HMCN2: variants seen among roughly 807,000 people sequenced by gnomAD.
HMCN2 encodes hemicentin 2, also known as hemicentin-2.
Under a neutral mutation model 377.5 loss-of-function variants are expected in HMCN2, and 325 were observed. The observed-to-expected ratio is 0.86, with a 90% confidence interval of 0.79 to 0.94. HMCN2 has a LOEUF of 0.94. Among genes scored for constraint, HMCN2 ranks in the 40% least tolerant of loss-of-function variants. The pLI, the probability that HMCN2 is intolerant of heterozygous loss-of-function variation, is 0.00. For synonymous variants in HMCN2, 2,007 were observed against 2,046.8 expected, an observed-to-expected ratio of 0.98 and a Z score of 0.53; for missense variants, 4,543 against 4,725.3, an observed-to-expected ratio of 0.96 and a Z score of 1.13.
rs1299065480 is a variant in HMCN2, at chr9:130,424,856, G to A, written c.13462G>A (p.Gly4488Ser). ...CAGAGAGAGTGGGGAAGCCCTGAAT[G>A]GCCACTCTCTGACTGGGGGCAGGTT... is the stretch of plus-strand genomic sequence containing the variant. ...LARESGEALN[G>S]HSLTGGRFRQ... The change falls in exon 88 of 98, where the codon GGC (glycine) becomes AGC (serine). Residue 4488 changes from glycine to serine, a missense_variant. By Grantham distance (56) the Gly-to-Ser change is moderately conservative. Around this residue, in one of 5 missense-constraint regions of HMCN2, gnomAD observed 1,155 missense variants for 1,157.7 expected, o/e 1.00. Transcript: ENST00000683500. 6.7e-7 allele frequency: 1 copy of A among 1,482,780 alleles called. No homozygotes were observed. The highest frequency in any genetic ancestry group is 1.4e-5 in the African/African-American group (1 of 71,044). 91.9% of individuals were successfully genotyped at this position (1,482,780 alleles called of 1,614,324 possible). A position where few individuals can be genotyped will look rare whatever the true frequency, so the allele number is the denominator to read the frequency against.
chr9:130,376,061 G>A, intron 51 of HMCN2, 72 bp downstream of exon 51: 1 of 568,574 alleles, frequency 1.8e-6, no homozygotes, highest in Non-Finnish European at 2.2e-6. Flanking sequence ...CCAGGCACCT[G>A]AGCCACCCTT....
chr9:130,305,752 A>G (rs1302560688), intron 11 of HMCN2, among the ~76,000 whole-genome samples: 1 of 152,178 alleles, frequency 6.6e-6, no homozygotes, highest in African/African-American at 2.4e-5. Flanking sequence ...GCTTGGGGCC[A>G]ATAGTAGGGC....
At position 130,327,375 on chromosome 9, in the gene HMCN2, G is replaced by C. The variant is rs1413330164; in HGVS notation, c.3259G>C (p.Ala1087Pro). The change falls in exon 22 of 98, where the codon GCT (alanine) becomes CCT (proline). Residue 1087 changes from alanine to proline, a missense_variant. Physicochemically the swap from Ala to Pro is conservative, Grantham distance 27. Transcript: ENST00000683500. ...TGTGCCTCTGCAAGTCACAGCGAAGGCTGGCGAAGAGGTGACCCTGGACTG... is the reference window on the plus strand; with the variant it reads ...TGTGCCTCTGCAAGTCACAGCGAAGCCTGGCGAAGAGGTGACCCTGGACTG... ...ADVPLQVTAK[A>P]GEEVTLDCEA... 6.6e-6 allele frequency: 1 copy of C among 152,316 alleles called. No individual in the cohort carries two copies. The highest frequency in any genetic ancestry group is 1.5e-5 in the Non-Finnish European group (1 of 68,104). The allele number at this position is 152,316 out of a possible 1,614,324, so 9.4% of individuals were successfully genotyped here.
chr9:130,357,824 C>A lies in HMCN2; in HGVS notation c.5426-10C>A, dbSNP rs1033304460. 7.7e-7 allele frequency: 1 copy of A among 1,300,856 alleles called. No homozygotes were observed. Among genetic ancestry groups the A allele is most frequent in the Non-Finnish European group, 1.0e-6 (1 of 986,874 alleles). The allele number at this position is 1,300,856 out of a possible 1,614,324, so 80.6% of individuals were successfully genotyped here. A position where few individuals can be genotyped will look rare whatever the true frequency, so the allele number is the denominator to read the frequency against. On this transcript the variant is annotated splice_polypyrimidine_tract_variant and intron_variant, in intron 34 of 97. Coordinates refer to ENST00000683500, the MANE Select transcript of HMCN2 (RefSeq NM_001291815.2). ...TGACTCGGGCTCTTCCTGACTCTTT[C>A]CCTTCCCAGAGTTCCCATCGGTCAG...
intron 15 of HMCN2, among the ~76,000 whole-genome samples, chr9:130,313,201 C>T (rs1338875099): frequency 6.7e-6 from 1 of 148,612 alleles, no homozygotes; most frequent in East Asian, 1.9e-4. Flanking sequence ...TGGGTGGCAG[C>T]TGTCGTCCAG....
In HMCN2 at chr9:130,354,795, C is replaced by T; in HGVS notation, c.4897C>T (p.Pro1633Ser). Reference protein sequence around the residue: ...PPTIEGAGGRPYVVKAVAGRP... With the variant: ...PPTIEGAGGRSYVVKAVAGRP... Reference sequence around the variant, plus strand: ...TACCATCGAGGGCGCCGGTGGAAGACCATACGTGGTGAAGGCTGTGGCTGG... The same window carrying T: ...TACCATCGAGGGCGCCGGTGGAAGATCATACGTGGTGAAGGCTGTGGCTGG... The change falls in exon 32 of 98, where the codon CCA becomes TCA. Residue 1633 changes from proline (P) to serine (S), a missense_variant. Coordinates refer to ENST00000683500, the MANE Select transcript of HMCN2 (RefSeq NM_001291815.2). 7.7e-7 allele frequency: 1 copy of T among 1,304,026 alleles called. No individual in the cohort carries two copies. 80.8% of individuals were successfully genotyped at this position (1,304,026 alleles called of 1,614,324 possible). A position where few individuals can be genotyped will look rare whatever the true frequency, so the allele number is the denominator to read the frequency against.
intron 54 of HMCN2, among the ~76,000 whole-genome samples, chr9:130,380,647 C>T (rs866020644): frequency 8.6e-5 from 13 of 151,982 alleles, no homozygotes; most frequent in South Asian, 8.3e-4. Context: ...ACTAGCTGGG[C>T]GTGGTGGCAT....
rs546480500 is a variant in HMCN2 at position 130,388,612 on chromosome 9, C to T, written c.9523+72C>T. 75 of 968,408 alleles carry T rather than the reference C, an allele frequency of 7.7e-5. No homozygotes were observed. In the African/African-American group the frequency reaches 1.1e-3, roughly 14 times the overall value. The allele number at this position is 968,408 out of a possible 1,614,324, so 60.0% of individuals were successfully genotyped here. A position where few individuals can be genotyped will look rare whatever the true frequency, so the allele number is the denominator to read the frequency against. ...TTAATAAGATGACAGCAGAAGCGGACGAAGGAAGTTATTGGTTGTTGATGA... is the reference window on the plus strand; with the variant it reads ...TTAATAAGATGACAGCAGAAGCGGATGAAGGAAGTTATTGGTTGTTGATGA... On this transcript the variant is annotated intron_variant, in intron 62 of 97. Transcript: ENST00000683500.
intron 74 of HMCN2, among the ~76,000 whole-genome samples, chr9:130,398,153 C>CAAAAAAAAAA (rs397940740): frequency 1.8e-4 from 6 of 33,898 alleles, no homozygotes; most frequent in Admixed American, 4.0e-4. Flanking sequence ...ACTCCGTCTA[C>CAAAAAAAAAA]AAAAAAAAAA....
chr9:130,287,551 TAA>T (rs142931668), intron 4 of HMCN2, among the ~76,000 whole-genome samples: 46,985 of 92,046 alleles, frequency 0.51, 12,471 homozygotes, highest in East Asian at 0.76. Flanking sequence ...AACTCTGTCT[TAA>T]AAAAAAAAAA....
At chr9:130,356,794 C>T (rs1041294490) in intron 34 of HMCN2, among the ~76,000 whole-genome samples, 16 of 152,202 alleles carry the variant, frequency 1.1e-4, no homozygotes, top group Non-Finnish European at 7.3e-5. Flanking sequence ...TTTGAGAGGG[C>T]AACATGGTAG....
rs781800634 is a variant in HMCN2, at chr9:130,309,932, G to T, written c.2221G>T (p.Ala741Ser). 1 of 517,318 alleles carries T rather than the reference G, an allele frequency of 1.9e-6. No individual in the cohort carries two copies. The highest frequency in any genetic ancestry group is 2.1e-5 in the Admixed American group (1 of 48,576). 32.0% of individuals were successfully genotyped at this position (517,318 alleles called of 1,614,324 possible). Residue 741 changes from alanine (A) to serine (S), a missense_variant, in exon 15 of 98, where the codon GCC (alanine) becomes TCC (serine). Ala to Ser is a moderately conservative substitution (Grantham distance 99, BLOSUM62 1). Transcript: ENST00000683500. ...WYRGGLEMIL[A>S]PEGSSSGKLR... ...TCCAGGGGGTCTTGAAATGATCCTG[G>T]CCCCTGAGGGCTCCAGCTCTGGGAA... is the stretch of plus-strand genomic sequence containing the variant.
At chr9:130,346,281 G>C (rs927518766) in intron 25 of HMCN2, among the ~76,000 whole-genome samples, 2 of 152,140 alleles carry the variant, frequency 1.3e-5, no homozygotes, top group African/African-American at 4.8e-5. Flanking sequence ...GGACTGGGCT[G>C]TTAGCTTCAG....
chr9:130,301,067 A>G (rs1197175382), intron 8 of HMCN2, among the ~76,000 whole-genome samples: 1 of 152,146 alleles, frequency 6.6e-6, no homozygotes, highest in African/African-American at 2.4e-5. Flanking sequence ...CAGGGAGGGG[A>G]AGAAGGGCCA....
chr9:130,393,309 G>T lies in HMCN2; in HGVS notation c.10234G>T (p.Val3412Leu). Reference sequence around the variant, plus strand: ...CAGGAACTTCACCTTGCAGGTGCAGGGTATGGAGCAGGGGGTGGGGCAAGG... The same window carrying T: ...CAGGAACTTCACCTTGCAGGTGCAGTGTATGGAGCAGGGGGTGGGGCAAGG... ...ADRNFTLQVQ[V>L]PPVLEPVEFQ... The change falls in exon 67 of 98, where the codon GTG (valine) becomes TTG (leucine). Residue 3412 changes from valine (V) to leucine (L), a missense_variant and splice_region_variant. Physicochemically the swap from Val to Leu is conservative, Grantham distance 32. This residue lies in a region of HMCN2 where 1,073 missense variants were observed against 1,319.5 expected (regional missense o/e 0.81). Coordinates refer to ENST00000683500, the MANE Select transcript of HMCN2 (RefSeq NM_001291815.2). This position sits in a 1 kb window ranked among gnomAD's most constrained non-coding sequence, Gnocchi z 5.2. 6.1e-6 allele frequency: 6 copies of T among 989,314 alleles called. No individual in the cohort carries two copies. Among genetic ancestry groups the T allele is most frequent in the Non-Finnish European group, 7.2e-6 (6 of 830,834 alleles). The allele number at this position is 989,314 out of a possible 1,614,324, so 61.3% of individuals were successfully genotyped here.
intron 94 of HMCN2, chr9:130,429,930 G>A: frequency 1.4e-6 from 1 of 705,754 alleles, no homozygotes; most frequent in Non-Finnish European, 2.2e-6. Context: ...ACCCTGTGGG[G>A]TCATCTTCCG....
chr9:130,267,503 T>A (rs770262482), intron 1 of HMCN2, among the ~76,000 whole-genome samples: 3 of 151,534 alleles, frequency 2.0e-5, no homozygotes, highest in Non-Finnish European at 4.4e-5. Flanking sequence ...TAAATTGTAC[T>A]GCAGAGTGTT....
At chr9:130,386,352 G>C (rs1453922349) in intron 60 of HMCN2, 91 bp from the exon 61 acceptor site, 1 of 710,460 alleles carries the variant, frequency 1.4e-6, no homozygotes. Flanking sequence ...CCCCTGCTCT[G>C]GAAGTTTTGG....
At chr9:130,273,591 A>G (rs1554921934) in intron 1 of HMCN2, among the ~76,000 whole-genome samples, 1 of 151,694 alleles carries the variant, frequency 6.6e-6, no homozygotes, top group African/African-American at 2.4e-5. Flanking sequence ...TCCGTCCCCC[A>G]GGCTCAAGCG....
Sources: allele counts gnomAD v4.1 joint callset (sites outside exome capture counted in the v4.1 genomes callset), GRCh38; gene constraint gnomAD v4.1.1; regional missense constraint gnomAD v4.1.1; non-coding constraint Gnocchi (gnomAD v3.1); transcripts MANE v1.5; gene names NCBI Gene and HGNC (gene_info 2026-07-23, HGNC 2026-07-21).